The following MORC2 variants were observed in gnomAD, a reference collection of about 807,000 sequenced individuals.
MORC2 encodes ATPase MORC2.
MORC2 carries 30 observed loss-of-function variants against 136.0 expected under a neutral mutation model. The ratio of observed to expected loss-of-function variants is 0.22; its 90% CI spans 0.17 to 0.30. The LOEUF (loss-of-function observed/expected upper bound fraction) is 0.30. Ranked by LOEUF, MORC2 falls within the 10% of genes least tolerant of loss-of-function variation. The pLI is 1.00. For synonymous variants in MORC2, 439 were observed against 487.0 expected, an observed-to-expected ratio of 0.90 and a Z score of 1.30; for missense variants, 922 against 1,333.1, an observed-to-expected ratio of 0.69 and a Z score of 4.80.
rs1334485675 is a variant in MORC2, at chr22:30,937,098, G to C, written c.1499-61C>G. On this transcript the variant is annotated intron_variant, in intron 15 of 25. Transcript: ENST00000397641. This position sits in a 1 kb window ranked among gnomAD's most constrained non-coding sequence, Gnocchi z 4.7. ...GCCCACCAACTCTATCTGTAATCCG[G>C]GTTCCTCACAGGCCCACCACAATGA... The C allele has an allele frequency of 3.1e-6, 4 of 1,276,594 alleles. No homozygotes were observed. In the Admixed American group the frequency reaches 7.2e-5, roughly 23 times the overall value. The allele number at this position is 1,276,594 out of a possible 1,614,324, so 79.1% of individuals were successfully genotyped here.
rs1462640289 is a variant in MORC2 at position 30,925,315 on chromosome 22, G to T, written c.*1488C>A. ...GAAGAGAGAGAGCAGGATGGCAGAGGAATCACCAGCTCAAGAAACCCCAAG... is the reference window on the plus strand; with the variant it reads ...GAAGAGAGAGAGCAGGATGGCAGAGTAATCACCAGCTCAAGAAACCCCAAG... On this transcript the variant is annotated 3_prime_UTR_variant, in exon 26 of 26. Coordinates refer to ENST00000397641, the MANE Select transcript of MORC2 (RefSeq NM_001303256.3). 1 of 261,464 alleles carries T rather than the reference G, an allele frequency of 3.8e-6. No homozygotes were observed. The allele number at this position is 261,464 out of a possible 1,614,324, so 16.2% of individuals were successfully genotyped here.
At chr22:30,954,835 T>C (rs989279711) in intron 3 of MORC2, among the ~76,000 whole-genome samples, 1 of 152,204 alleles carries the variant, frequency 6.6e-6, no homozygotes, top group Non-Finnish European at 1.5e-5. Context: ...TTAGCATCTG[T>C]GCATTGATTA....
chr22:30,966,051 TA>T (rs2147331120), intron 1 of MORC2, among the ~76,000 whole-genome samples: 1 of 152,326 alleles, frequency 6.6e-6, no homozygotes, highest in African/African-American at 2.4e-5. Flanking sequence ...AAATGCAAAA[TA>T]GGAATAATCC....
chr22:30,966,787 T>C (rs371320242), intron 1 of MORC2, among the ~76,000 whole-genome samples: 2 of 151,992 alleles, frequency 1.3e-5, no homozygotes, highest in South Asian at 2.1e-4. Flanking sequence ...CTCAAAAAAA[T>C]AACAAACTTC....
In MORC2 at chr22:30,941,540, C is replaced by G. The variant is rs375469737; in HGVS notation, c.717G>C (p.Ser239=). The change falls in exon 9 of 26, where the codon TCG becomes TCC. Residue 239 remains serine, a synonymous_variant. Coordinates refer to ENST00000397641, the MANE Select transcript of MORC2 (RefSeq NM_001303256.3). This position sits in a 1 kb window ranked among gnomAD's most constrained non-coding sequence, Gnocchi z 4.6. ...AGAGCACAGCGGCATAGGCACGGAA[C>G]GAGCGCCGCTCTGGCTTCCTGGAGA... is the stretch of plus-strand genomic sequence containing the variant. ...SPEGTKPERR[S]FRAYAAVLYI... 1.2e-6 allele frequency: 2 copies of G among 1,613,468 alleles called. No individual in the cohort carries two copies.
chr22:30,932,721 C>T lies in MORC2; in HGVS notation c.2571G>A (p.Pro857=), dbSNP rs771046855. The change falls in exon 23 of 26, where the codon CCG becomes CCA. Residue 857 remains proline (P), a synonymous_variant. Coordinates refer to ENST00000397641, the MANE Select transcript of MORC2 (RefSeq NM_001303256.3). The surrounding 1 kb of genome is among the most constrained non-coding windows in gnomAD (Gnocchi z 4.4). ...GTTGTGTATCAAGGCTCTGATGTTC[C>T]GGAGAAGGGGGTTTCATCAGCCGCA... The part of the protein sequence containing the change: ...EDVRLMKPPS[P]EHQSLDTQQE... 10 of 1,614,060 alleles carry T rather than the reference C, an allele frequency of 6.2e-6. No homozygotes were observed. The highest frequency in any genetic ancestry group is 2.2e-5 in the South Asian group (2 of 91,094).
chr22:30,959,367 G>C (rs544941621), intron 1 of MORC2, among the ~76,000 whole-genome samples: 1 of 152,176 alleles, frequency 6.6e-6, no homozygotes, highest in South Asian at 2.1e-4. Flanking sequence ...CTTTAATGGA[G>C]GGAAAGTTCT....
At chr22:30,928,732 T>C (rs989726988) in intron 24 of MORC2, among the ~76,000 whole-genome samples, 8 of 152,304 alleles carry the variant, frequency 5.3e-5, no homozygotes, top group Non-Finnish European at 7.4e-5. Flanking sequence ...ACCTGAAACC[T>C]CCAGGGGGAG....
intron 2 of MORC2, among the ~76,000 whole-genome samples, chr22:30,957,718 T>C (rs2040986878): frequency 6.6e-6 from 1 of 152,170 alleles, no homozygotes; most frequent in South Asian, 2.1e-4. Context: ...TTTAATTGAA[T>C]GGAAAAATGA....
chr22:30,935,037 A>C lies in MORC2; in HGVS notation c.1937T>G (p.Val646Gly). 1 of 1,613,934 alleles carries C rather than the reference A, an allele frequency of 6.2e-7. No homozygotes were observed. Residue 646 changes from valine to glycine, a missense_variant, in exon 19 of 26, where the codon GTC becomes GGC. Val to Gly is a moderately radical substitution (Grantham distance 109). Coordinates refer to ENST00000397641, the MANE Select transcript of MORC2 (RefSeq NM_001303256.3). ...AGGGAGCTTTGGGGTACTGCTGATG[A>C]CAGGAGCCTTTCGGGGCTGGCTGGC... ...RPASQPRKAP[V>G]ISSTPKLPAL... is the part of the protein sequence containing the mutation.
At position 30,934,756 on chromosome 22, in the gene MORC2, G is replaced by A. The variant is rs749427449; in HGVS notation, c.2193+25C>T. 1.9e-5 allele frequency: 30 copies of A among 1,611,336 alleles called. No individual in the cohort carries two copies. In the South Asian group the frequency reaches 3.1e-4, roughly 17 times the overall value. ...CCTACACTACTGACACTGGGCTGGG[G>A]TATTAAAGAGGACAAGCGTCTCACC... On this transcript the variant is annotated intron_variant, in intron 19 of 25. Coordinates refer to ENST00000397641, the MANE Select transcript of MORC2 (RefSeq NM_001303256.3). The surrounding 1 kb of genome is among the most constrained non-coding windows in gnomAD (Gnocchi z 4.4).
intron 3 of MORC2, among the ~76,000 whole-genome samples, chr22:30,954,167 T>C (rs1309085260): frequency 1.3e-5 from 2 of 152,020 alleles, no homozygotes. Context: ...TGGTGGTGTG[T>C]GCCTGTAGTC....
intron 2 of MORC2, among the ~76,000 whole-genome samples, chr22:30,957,640 GCA>G (rs1417452045): frequency 6.6e-6 from 1 of 152,102 alleles, no homozygotes; most frequent in African/African-American, 2.4e-5. Flanking sequence ...GCCTGCCACC[GCA>G]CATCATGGTC....
At position 30,933,539 on chromosome 22, in the gene MORC2, A is replaced by G. The variant is rs1324766713; in HGVS notation, c.2326-19T>C. 3 of 1,612,686 alleles carry G rather than the reference A, an allele frequency of 1.9e-6. No homozygotes were observed. The highest frequency in any genetic ancestry group is 2.5e-6 in the Non-Finnish European group (3 of 1,179,514). On this transcript the variant is annotated intron_variant, in intron 20 of 25. Coordinates refer to ENST00000397641, the MANE Select transcript of MORC2 (RefSeq NM_001303256.3). ...CTGAGAGCTGCGTGGAGAGCAGTCT[A>G]TTAGAGGCATCCCCAGTGCCCCCCA...
At chr22:30,961,481 T>A (rs889090260) in intron 1 of MORC2, among the ~76,000 whole-genome samples, 1 of 152,226 alleles carries the variant, frequency 6.6e-6, no homozygotes, top group Non-Finnish European at 1.5e-5. Flanking sequence ...ATTCATTTTA[T>A]ATACCCTAAA....
chr22:30,939,860 G>A, intron 11 of MORC2, 99 bp downstream of exon 11: 1 of 1,397,792 alleles, frequency 7.2e-7, no homozygotes, highest in Non-Finnish European at 9.8e-7. Flanking sequence ...CCTCACTGGG[G>A]ACAAACTCAA....
Position 30,968,722 on chromosome 22 carries a change from G to A in MORC2, c.-833C>T, listed in dbSNP as rs991708458. 2.0e-5 allele frequency among the ~76,000 whole-genome samples: 3 copies of A among 152,066 alleles called. No homozygotes were observed. The highest frequency in any genetic ancestry group is 7.2e-5 in the African/African-American group (3 of 41,414). ...ACTCCCGGCTTCCAAGGACCGGATC[G>A]AGGGCAGTGGCGAGCGCACCACCTG... On this transcript the variant is annotated 5_prime_UTR_variant, in exon 1 of 26. Transcript: ENST00000397641.
At position 30,934,728 on chromosome 22, in the gene MORC2, A is replaced by G; in HGVS notation, c.2193+53T>C. The G allele has an allele frequency of 1.3e-6, 2 of 1,589,878 alleles. No homozygotes were observed. The highest frequency in any genetic ancestry group is 1.7e-6 in the Non-Finnish European group (2 of 1,164,914). The stretch of plus-strand genomic sequence containing the variant: ...TACAGCTGTGACACTGCACAATTCC[A>G]TTCCTACACTACTGACACTGGGCTG... On this transcript the variant is annotated intron_variant, in intron 19 of 25. Transcript: ENST00000397641. This position sits in a 1 kb window ranked among gnomAD's most constrained non-coding sequence, Gnocchi z 4.4.
chr22:30,946,476 A>T, intron 5 of MORC2, 27 bp from the exon 6 acceptor site: 1 of 1,569,128 alleles, frequency 6.4e-7, no homozygotes, highest in South Asian at 1.1e-5. Flanking sequence ...AATGGGTGTT[A>T]TTCTCCCAGG....
Sources: allele counts gnomAD v4.1 joint callset (sites outside exome capture counted in the v4.1 genomes callset), GRCh38; gene constraint gnomAD v4.1.1; non-coding constraint Gnocchi (gnomAD v3.1); transcripts MANE v1.5; gene names NCBI Gene and HGNC (gene_info 2026-07-23, HGNC 2026-07-21).